Variants in LRRC4C observed in about 807,000 individuals in gnomAD.
The protein encoded by LRRC4C is leucine rich repeat containing 4C.
In LRRC4C, 5 loss-of-function variants were observed where a neutral mutation model predicts 33.6. The ratio of observed to expected loss-of-function variants is 0.15; its 90% CI spans 0.08 to 0.31. LRRC4C has a LOEUF of 0.31. LRRC4C is among the 10% of genes least tolerant of loss of function. The pLI, the probability that LRRC4C is intolerant of heterozygous loss-of-function variation, is 1.00. For missense variants in LRRC4C, 560 were observed against 796.7 expected (o/e 0.70, Z 3.58); for synonymous variants, 329 against 302.0 (o/e 1.09, Z -0.93).
At chr11:41,300,169 G>T (rs1485437913) in intron 1 of LRRC4C, among the ~76,000 whole-genome samples, 1 of 152,052 alleles carries the variant, frequency 6.6e-6, no homozygotes, top group African/African-American at 2.4e-5. Flanking sequence ...AGTGTCACTG[G>T]GGAAATTATT....
At chr11:41,438,914 T>A (rs1955526451) in intron 1 of LRRC4C, among the ~76,000 whole-genome samples, 1 of 152,168 alleles carries the variant, frequency 6.6e-6, no homozygotes, top group African/African-American at 2.4e-5. Flanking sequence ...AACTGATTCA[T>A]TTGTTTTTAT....
chr11:40,200,780 A>G (rs558414987), intron 5 of LRRC4C, among the ~76,000 whole-genome samples: 3 of 149,674 alleles, frequency 2.0e-5, no homozygotes, highest in East Asian at 3.9e-4. Context: ...AAAAAAAAAA[A>G]AAAAAAAAGA....
intron 3 of LRRC4C, among the ~76,000 whole-genome samples, chr11:40,390,775 T>C (rs1422728820): frequency 6.6e-6 from 1 of 152,222 alleles, no homozygotes; most frequent in Non-Finnish European, 1.5e-5. Context: ...CACAGATTCC[T>C]GCCTGCCAAG....
intron 1 of LRRC4C, among the ~76,000 whole-genome samples, chr11:41,245,392 C>T (rs1002188783): frequency 1.9e-4 from 29 of 152,160 alleles, no homozygotes; most frequent in Non-Finnish European, 8.8e-5. Context: ...AGCCTGGGGT[C>T]CAGCCACTGT....
intron 1 of LRRC4C, among the ~76,000 whole-genome samples, chr11:41,458,100 A>C (rs1328978995): frequency 6.6e-6 from 1 of 152,128 alleles, no homozygotes; most frequent in African/African-American, 2.4e-5. Flanking sequence ...GTAGCCTCTG[A>C]ATAAATCTAT....
intron 1 of LRRC4C, among the ~76,000 whole-genome samples, chr11:40,997,581 G>A (rs1456638754): frequency 2.0e-5 from 3 of 152,150 alleles, no homozygotes; most frequent in African/African-American, 7.2e-5. Flanking sequence ...AAGAAAAGGT[G>A]ATAGTTTGGG....
chr11:40,696,427 G>A (rs906582395), intron 2 of LRRC4C, among the ~76,000 whole-genome samples: 3 of 147,246 alleles, frequency 2.0e-5, no homozygotes, highest in Admixed American at 6.8e-5. Flanking sequence ...TATGCTGGAG[G>A]TTATATATAT....
intron 2 of LRRC4C, among the ~76,000 whole-genome samples, chr11:40,779,948 A>G (rs1950151157): frequency 6.6e-6 from 1 of 152,162 alleles, no homozygotes; most frequent in Non-Finnish European, 1.5e-5. Context: ...CACAACATCA[A>G]TGTGATGTAA....
At chr11:41,175,505 C>G (rs1042773926) in intron 1 of LRRC4C, among the ~76,000 whole-genome samples, 1 of 152,030 alleles carries the variant, frequency 6.6e-6, no homozygotes, top group Non-Finnish European at 1.5e-5. Flanking sequence ...TCACTGAATC[C>G]TTGCAGTAGG....
intron 1 of LRRC4C, among the ~76,000 whole-genome samples, chr11:41,187,825 C>T (rs1055847098): frequency 6.6e-6 from 1 of 152,174 alleles, no homozygotes; most frequent in African/African-American, 2.4e-5. Context: ...TGCATGCTCC[C>T]GCTAGAGGTT....
At chr11:40,664,978 A>G (rs1591407818) in intron 2 of LRRC4C, among the ~76,000 whole-genome samples, 1 of 139,482 alleles carries the variant, frequency 7.2e-6, no homozygotes, top group Non-Finnish European at 1.5e-5. Flanking sequence ...CTTGTGTCCA[A>G]GTGATCTCAT....
intron 2 of LRRC4C, among the ~76,000 whole-genome samples, chr11:40,846,709 C>T (rs4756618): frequency 0.63 from 95,953 of 151,996 alleles, 33,746 homozygotes; most frequent in East Asian, 0.86. Context: ...TCAATGTTAG[C>T]GTGATGGGAA....
intron 3 of LRRC4C, among the ~76,000 whole-genome samples, chr11:40,519,533 A>T (rs756921656): frequency 2.0e-5 from 3 of 152,252 alleles, no homozygotes; most frequent in Admixed American, 1.3e-4. Flanking sequence ...AGCCATATAA[A>T]CTAGAAGCGA....
Position 40,167,072 on chromosome 11 carries a change from T to C in LRRC4C, c.-95-26219A>G, listed in dbSNP as rs150869113. On this transcript the variant is annotated intron_variant, in intron 5 of 6. Coordinates refer to ENST00000528697, the MANE Select transcript of LRRC4C (RefSeq NM_001258419.2). ...GAATCCCGGAGTACAATTAAAGCAC[T>C]TCCAATGTATATTATGAGTAATCCT... Among the ~76,000 whole-genome samples, 945 of 152,278 alleles carry C rather than the reference T, an allele frequency of 6.2e-3. 8 individuals carry two copies. Among genetic ancestry groups the C allele is most frequent in the Non-Finnish European group, 0.011 (741 of 68,022 alleles).
chr11:40,552,329 T>C (rs1957157325), intron 3 of LRRC4C, among the ~76,000 whole-genome samples: 1 of 152,326 alleles, frequency 6.6e-6, no homozygotes, highest in African/African-American at 2.4e-5. Flanking sequence ...GGCCACACAG[T>C]CAGCCAACTG....
At chr11:40,258,344 A>G (rs543639353) in intron 4 of LRRC4C, among the ~76,000 whole-genome samples, 1 of 152,286 alleles carries the variant, frequency 6.6e-6, no homozygotes, top group South Asian at 2.1e-4. Flanking sequence ...AATTCCTCCA[A>G]TTCATACTGG....
chr11:41,079,298 A>C (rs117053765), intron 1 of LRRC4C, among the ~76,000 whole-genome samples: 3,215 of 152,288 alleles, frequency 0.021, 53 homozygotes, highest in South Asian at 0.053. Context: ...CATATTTGGC[A>C]TGGAGAAGTA....
chr11:40,772,030 T>C (rs536054906), intron 2 of LRRC4C, among the ~76,000 whole-genome samples: 26 of 152,290 alleles, frequency 1.7e-4, no homozygotes, highest in African/African-American at 5.3e-4. Flanking sequence ...GGTATCTTTA[T>C]AGCAGCAACC....
chr11:41,343,655 A>G (rs1171579004), intron 1 of LRRC4C, among the ~76,000 whole-genome samples: 1 of 152,238 alleles, frequency 6.6e-6, no homozygotes, highest in Non-Finnish European at 1.5e-5. Context: ...GAAACCTTCC[A>G]AGGAGAATAT....
Sources: allele counts gnomAD v4.1 joint callset (sites outside exome capture counted in the v4.1 genomes callset), GRCh38; gene constraint gnomAD v4.1.1; transcripts MANE v1.5; gene names NCBI Gene and HGNC (gene_info 2026-07-23, HGNC 2026-07-21).